SLC24A2: variants seen among roughly 807,000 people sequenced by gnomAD.
SLC24A2 encodes the protein solute carrier family 24 member 2, also known as sodium/potassium/calcium exchanger 2.
A neutral mutation model predicts 62.0 loss-of-function variants in SLC24A2; 36 were observed. That is an observed-to-expected ratio of 0.58 (90% confidence interval 0.44 to 0.77). SLC24A2 has a LOEUF of 0.77. Ranked by LOEUF, SLC24A2 falls within the 30% of genes least tolerant of loss-of-function variation. The probability of loss-of-function intolerance (pLI) is 0.00; values close to 1 mark genes in which losing one functional copy is unlikely to be tolerated. For missense variants in SLC24A2, 846 were observed against 817.9 expected (o/e 1.03, Z -0.42); for synonymous variants, 358 against 294.0 (o/e 1.22, Z -2.23).
the SLC24A2 span, among the ~76,000 whole-genome samples, chr9:20,161,210 G>A: frequency 6.6e-6 from 1 of 151,328 alleles, no homozygotes; most frequent in South Asian, 2.1e-4. Flanking sequence ...GGCTTTAAAT[G>A]ACAAATTTCT....
intron 8 of SLC24A2, among the ~76,000 whole-genome samples, chr9:19,544,985 TG>T (rs1280773673): frequency 1.3e-5 from 2 of 152,202 alleles, no homozygotes; most frequent in Non-Finnish European, 2.9e-5. Flanking sequence ...CTTGCTAGGT[TG>T]GGGAACTTCT....
At chr9:19,889,212 G>C in the SLC24A2 span, among the ~76,000 whole-genome samples, 2 of 152,166 alleles carry the variant, frequency 1.3e-5, no homozygotes, top group African/African-American at 4.8e-5. Context: ...AGGATATTCT[G>C]GGACTTGTAG....
At chr9:20,196,689 G>T in the SLC24A2 span, among the ~76,000 whole-genome samples, 3 of 152,122 alleles carry the variant, frequency 2.0e-5, no homozygotes, top group Admixed American at 2.0e-4. Flanking sequence ...ATTACATTCT[G>T]CCAAGGAGGC....
the SLC24A2 span, among the ~76,000 whole-genome samples, chr9:20,046,770 C>T: frequency 6.6e-6 from 1 of 152,198 alleles, no homozygotes; most frequent in Non-Finnish European, 1.5e-5. Context: ...CTTCCTTTAT[C>T]CCCAGAGAAT....
chr9:19,880,073 A>AT, the SLC24A2 span, among the ~76,000 whole-genome samples: 2 of 152,134 alleles, frequency 1.3e-5, no homozygotes, highest in African/African-American at 4.8e-5. Flanking sequence ...GTTTTGATTT[A>AT]TTTTTTCCAC....
At chr9:20,012,595 T>C in the SLC24A2 span, among the ~76,000 whole-genome samples, 19,093 of 152,144 alleles carry the variant, frequency 0.13, 1,545 homozygotes, top group East Asian at 0.26. Flanking sequence ...AGAAGTAAAA[T>C]TGTCTCTATT....
chr9:20,297,889 G>C, the SLC24A2 span, among the ~76,000 whole-genome samples: 1 of 152,146 alleles, frequency 6.6e-6, no homozygotes. Context: ...CAAATGCCTA[G>C]ACTCTGAGCA....
At chr9:19,708,204 T>G (rs949990948) in intron 2 of SLC24A2, among the ~76,000 whole-genome samples, 1 of 152,158 alleles carries the variant, frequency 6.6e-6, no homozygotes, top group Non-Finnish European at 1.5e-5. Context: ...ACAGGGGATG[T>G]GAAGGACCTC....
chr9:20,019,155 A>AAGAAAG, the SLC24A2 span, among the ~76,000 whole-genome samples: 369 of 117,172 alleles, frequency 3.1e-3, 21 homozygotes, highest in Non-Finnish European at 5.5e-3. Context: ...GAAAGAAAGA[A>AAGAAAG]AGAGAGAGAG....
At chr9:19,945,914 T>G in the SLC24A2 span, among the ~76,000 whole-genome samples, 1 of 152,362 alleles carries the variant, frequency 6.6e-6, no homozygotes, top group East Asian at 1.9e-4. Flanking sequence ...ACATCAGCTG[T>G]AGCTTTAGAA....
chr9:19,519,287 C>A (rs970517687), intron 10 of SLC24A2, among the ~76,000 whole-genome samples: 57 of 151,772 alleles, frequency 3.8e-4, no homozygotes, highest in African/African-American at 1.4e-3. Context: ...AGAGAACATA[C>A]AACAAAGAAG....
At chr9:20,078,277 G>C in the SLC24A2 span, among the ~76,000 whole-genome samples, 1 of 152,034 alleles carries the variant, frequency 6.6e-6, no homozygotes, top group Non-Finnish European at 1.5e-5. Context: ...TGCTATTAAA[G>C]GACTGCCCAA....
At chr9:19,810,562 TATGTA>T in the SLC24A2 span, among the ~76,000 whole-genome samples, 1 of 152,166 alleles carries the variant, frequency 6.6e-6, no homozygotes, top group South Asian at 2.1e-4. Flanking sequence ...TTTCCATAAC[TATGTA>T]AAAAGAGGGT....
At chr9:20,079,373 A>G in the SLC24A2 span, among the ~76,000 whole-genome samples, 3 of 152,228 alleles carry the variant, frequency 2.0e-5, no homozygotes, top group African/African-American at 7.2e-5. Context: ...GAATGTAAAC[A>G]TACACAGTTT....
At chr9:20,042,883 G>A in the SLC24A2 span, among the ~76,000 whole-genome samples, 1 of 152,076 alleles carries the variant, frequency 6.6e-6, no homozygotes, top group Non-Finnish European at 1.5e-5. Context: ...TTGCTTTGAG[G>A]CACCACAAGC....
At chr9:20,185,524 G>T in the SLC24A2 span, among the ~76,000 whole-genome samples, 3 of 151,948 alleles carry the variant, frequency 2.0e-5, no homozygotes, top group African/African-American at 7.2e-5. Context: ...AATTAGCTGG[G>T]CGTGGTTGTG....
At chr9:19,695,463 A>G (rs958954389) in intron 2 of SLC24A2, among the ~76,000 whole-genome samples, 1 of 152,176 alleles carries the variant, frequency 6.6e-6, no homozygotes, top group East Asian at 1.9e-4. Context: ...GAAAAAAAGT[A>G]TTGGAGAAAA....
At chr9:19,566,298 G>A (rs562159117) in intron 7 of SLC24A2, among the ~76,000 whole-genome samples, 335 of 148,648 alleles carry the variant, frequency 2.3e-3, no homozygotes, top group South Asian at 8.8e-3. Flanking sequence ...AAAAGTGGGT[G>A]AAGGATATGA....
At chr9:19,735,044 A>C (rs1406201091) in intron 2 of SLC24A2, among the ~76,000 whole-genome samples, 1 of 152,156 alleles carries the variant, frequency 6.6e-6, no homozygotes, top group Non-Finnish European at 1.5e-5. Context: ...TCTGCACAGC[A>C]AAAGAAACCA....
Sources: allele counts gnomAD v4.1 joint callset (sites outside exome capture counted in the v4.1 genomes callset), GRCh38; gene constraint gnomAD v4.1.1; transcripts MANE v1.5; gene names NCBI Gene and HGNC (gene_info 2026-07-23, HGNC 2026-07-21).